CAST: variants seen among roughly 807,000 people sequenced by gnomAD.
CAST encodes the protein calpastatin.
In CAST, 76 loss-of-function variants were observed where a neutral mutation model predicts 119.6. The observed-to-expected ratio is 0.64, with a 90% CI of 0.53 to 0.77. The LOEUF (loss-of-function observed/expected upper bound fraction) is 0.77, where lower values mean the gene tolerates loss of function less well. Ranked by LOEUF, CAST falls within the 30% of genes least tolerant of loss-of-function variation. The pLI, the probability that CAST is intolerant of heterozygous loss-of-function variation, is 0.00. For synonymous variants in CAST, 319 were observed against 331.6 expected (o/e 0.96, Z 0.41); for missense variants, 953 against 946.5 (o/e 1.01, Z -0.09).
chr5:96,104,654 G>A, the CAST span, among the ~76,000 whole-genome samples: 3 of 151,244 alleles, frequency 2.0e-5, no homozygotes, highest in Non-Finnish European at 2.9e-5. Flanking sequence ...AGTATAGTTT[G>A]AAGTCAGGTA....
At chr5:96,188,298 T>TA in the CAST span, among the ~76,000 whole-genome samples, 1 of 152,196 alleles carries the variant, frequency 6.6e-6, no homozygotes, top group African/African-American at 2.4e-5. Flanking sequence ...TCTCCTGAGT[T>TA]AAAATCATTT....
chr5:96,034,237 T>A, the CAST span, among the ~76,000 whole-genome samples: 1 of 151,890 alleles, frequency 6.6e-6, no homozygotes, highest in Non-Finnish European at 1.5e-5. Flanking sequence ...AAATGCAAAT[T>A]AAAATCACAG....
the CAST span, among the ~76,000 whole-genome samples, chr5:96,045,686 C>A: frequency 2.6e-4 from 39 of 152,240 alleles, no homozygotes; most frequent in African/African-American, 8.9e-4. Context: ...ATACTATTAT[C>A]ATCCCTATTT....
At position 96,729,605 on chromosome 5, in the gene CAST, C is replaced by G. The variant is rs373451348; in HGVS notation, c.436-7C>G. On this transcript the variant is annotated splice_region_variant and splice_polypyrimidine_tract_variant and intron_variant, in intron 7 of 31. Transcript: ENST00000675179. The stretch of plus-strand genomic sequence containing the variant: ...ATGTGTGTGGGCACCTGTGTGTGTA[C>G]TTTCAGCCAAAAAGCCTACCCAAGC... The G allele has an allele frequency of 8.4e-6, 11 of 1,311,950 alleles. No individual in the cohort carries two copies. Among genetic ancestry groups the G allele is most frequent in the Non-Finnish European group, 1.2e-5 (11 of 904,976 alleles). 81.3% of individuals were successfully genotyped at this position (1,311,950 alleles called of 1,614,324 possible).
chr5:96,272,562 A>G, the CAST span, among the ~76,000 whole-genome samples: 1 of 152,186 alleles, frequency 6.6e-6, no homozygotes, highest in East Asian at 1.9e-4. Context: ...GATCTCATGA[A>G]GACAGAGAGT....
the CAST span, among the ~76,000 whole-genome samples, chr5:95,986,505 T>A: frequency 1.3e-3 from 205 of 152,360 alleles, 1 homozygote; most frequent in African/African-American, 4.7e-3. Flanking sequence ...GGGACAAATG[T>A]AGGTTGCCTG....
chr5:96,757,727 G>A (rs1581316598), intron 24 of CAST, 73 bp downstream of exon 24: 1 of 1,018,176 alleles, frequency 9.8e-7, no homozygotes, highest in East Asian at 2.5e-5. Context: ...GTCTTGCTCT[G>A]TCATCCAGGC....
At chr5:96,767,576 C>T (rs1405578848) in intron 28 of CAST, 94 bp downstream of exon 28, 2 of 849,750 alleles carry the variant, frequency 2.4e-6, no homozygotes, top group African/African-American at 1.7e-5. Flanking sequence ...TATTGAATGC[C>T]TACTCTGTGC....
the CAST span, among the ~76,000 whole-genome samples, chr5:96,491,330 C>CAA: frequency 9.7e-4 from 140 of 144,746 alleles, 1 homozygote; most frequent in South Asian, 8.9e-4. Flanking sequence ...CTAAAAAATA[C>CAA]AAAAAAAAAA....
At chr5:96,362,416 T>C in the CAST span, among the ~76,000 whole-genome samples, 1 of 152,236 alleles carries the variant, frequency 6.6e-6, no homozygotes, top group African/African-American at 2.4e-5. Flanking sequence ...CACACTGTCT[T>C]CCACAATGGT....
the CAST span, among the ~76,000 whole-genome samples, chr5:96,187,645 T>C: frequency 6.6e-6 from 1 of 152,218 alleles, no homozygotes; most frequent in Non-Finnish European, 1.5e-5. Flanking sequence ...TCTTGCTCAA[T>C]GGTTTGTAAG....
chr5:96,244,636 A>T, the CAST span, among the ~76,000 whole-genome samples: 1 of 152,196 alleles, frequency 6.6e-6, no homozygotes, highest in African/African-American at 2.4e-5. Flanking sequence ...GGGAAAGCTG[A>T]ATGGTTGAGG....
At chr5:96,714,087 T>G (rs1756748326) in intron 3 of CAST, among the ~76,000 whole-genome samples, 1 of 152,244 alleles carries the variant, frequency 6.6e-6, no homozygotes, top group Non-Finnish European at 1.5e-5. Context: ...CACTGCTGTC[T>G]ATTGATGTAC....
At chr5:96,505,390 G>A in the CAST span, among the ~76,000 whole-genome samples, 1 of 151,964 alleles carries the variant, frequency 6.6e-6, no homozygotes, top group African/African-American at 2.4e-5. Flanking sequence ...TGATGCAGGA[G>A]AATCACTTGA....
At chr5:96,214,182 T>C in the CAST span, among the ~76,000 whole-genome samples, 3 of 152,148 alleles carry the variant, frequency 2.0e-5, no homozygotes, top group African/African-American at 7.2e-5. Flanking sequence ...AGGAGCAGAA[T>C]GGAGATTGTA....
the CAST span, among the ~76,000 whole-genome samples, chr5:96,081,219 G>A: frequency 1.3e-4 from 20 of 152,318 alleles, no homozygotes; most frequent in African/African-American, 3.8e-4. Context: ...GCTCAGCACA[G>A]GGAGAAGGAG....
the CAST span, among the ~76,000 whole-genome samples, chr5:96,342,625 G>C: frequency 6.6e-6 from 1 of 152,194 alleles, no homozygotes; most frequent in Non-Finnish European, 1.5e-5. Flanking sequence ...TGGAAAGGCA[G>C]CTAGTCCCAT....
At chr5:96,757,331 T>C (rs1766528240) in intron 22 of CAST, 113 bp from the exon 23 acceptor site, 10 of 961,364 alleles carry the variant, frequency 1.0e-5, no homozygotes, top group Non-Finnish European at 1.7e-5. Flanking sequence ...GGATCTAATT[T>C]AAAATGTACA....
At chr5:96,253,983 A>G in the CAST span, among the ~76,000 whole-genome samples, 6 of 132,852 alleles carry the variant, frequency 4.5e-5, no homozygotes, top group Admixed American at 4.9e-4. Flanking sequence ...AGAGAAATTC[A>G]CTTTTCTTTT....
Sources: gnomAD v4.1 joint callset for allele counts (sites outside exome capture counted in the v4.1 genomes callset) on GRCh38, gnomAD v4.1.1 for gene constraint, MANE v1.5 for transcripts, NCBI Gene and HGNC (gene_info 2026-07-23, HGNC 2026-07-21) for gene names.